Variants in NEXMIF observed in about 807,000 individuals in gnomAD.
NEXMIF encodes the protein neurite extension and migration factor.
NEXMIF carries 8 observed loss-of-function variants against 62.1 expected under a neutral mutation model. The ratio of observed to expected loss-of-function variants is 0.13; its 90% confidence interval spans 0.08 to 0.23. The LOEUF (loss-of-function observed/expected upper bound fraction) is 0.23, where lower values mean the gene tolerates loss of function less well. Among genes scored for constraint, NEXMIF ranks in the 10% least tolerant of loss-of-function variants. NEXMIF has a pLI of 1.00. For missense variants in NEXMIF, 976 were observed against 1,113.3 expected (o/e 0.88, Z 1.75); for synonymous variants, 404 against 416.6 (o/e 0.97, Z 0.37).
chrX:74,922,523 C>A, intron 1 of NEXMIF, among the ~76,000 whole-genome samples: 1 of 112,076 alleles, frequency 8.9e-6, no homozygotes, highest in Non-Finnish European at 1.9e-5. Flanking sequence ...AAATATTTTC[C>A]TTTAAATGAC....
intron 1 of NEXMIF, among the ~76,000 whole-genome samples, chrX:74,898,708 G>T (rs1319779097): frequency 9.0e-6 from 1 of 111,025 alleles, no homozygotes; most frequent in African/African-American, 3.3e-5. Context: ...AAAATAAACT[G>T]TTCTATTTTT....
intron 1 of NEXMIF, among the ~76,000 whole-genome samples, chrX:74,819,650 C>G (rs960017786): frequency 1.7e-4 from 19 of 111,886 alleles, no homozygotes; most frequent in Non-Finnish European, 3.6e-4. Flanking sequence ...CCATCCCACG[C>G]CAGTTAGAAT....
intron 1 of NEXMIF, among the ~76,000 whole-genome samples, chrX:74,768,706 C>T (rs758704933): frequency 1.8e-5 from 2 of 112,097 alleles, no homozygotes; most frequent in Non-Finnish European, 3.8e-5. Context: ...CATTAAAGAA[C>T]AGGTTTAAAC....
intron 1 of NEXMIF, among the ~76,000 whole-genome samples, chrX:74,785,197 A>G (rs1024274204): frequency 1.8e-5 from 2 of 111,296 alleles, no homozygotes; most frequent in Non-Finnish European, 3.8e-5. Context: ...AAATCAGTGA[A>G]CCTGGGGATA....
rs748456765 is a variant in NEXMIF at position 74,901,120 on chromosome X, C to T, written c.-48+23763G>A. 2.7e-5 allele frequency among the ~76,000 whole-genome samples: 3 copies of T among 111,645 alleles called. No homozygotes were observed. In the South Asian group the frequency reaches 1.1e-3, roughly 42 times the overall value. ...AACAGTGTGAATGAATTTAATTCCA[C>T]ACAACTGTACACTTAAAAGTGGTTA... On this transcript the variant is annotated intron_variant, in intron 1 of 3. Coordinates refer to ENST00000055682, the MANE Select transcript of NEXMIF (RefSeq NM_001008537.3).
chrX:74,887,995 AG>A (rs1194645868), intron 1 of NEXMIF, among the ~76,000 whole-genome samples: 3 of 111,034 alleles, frequency 2.7e-5, no homozygotes, highest in Admixed American at 9.6e-5. Flanking sequence ...TGTCCTTTGT[AG>A]GGACATGGAT....
At position 74,737,572 on chromosome X, in the gene NEXMIF, T is replaced by C. The variant is rs1030012674; in HGVS notation, c.*1833A>G. 2 of 111,204 alleles carry C rather than the reference T, an allele frequency of 1.8e-5. No homozygotes were observed. The highest frequency in any genetic ancestry group is 5.7e-4 in the East Asian group (2 of 3,501). 9.2% of individuals were successfully genotyped at this position (111,204 alleles called of 1,213,427 possible). A position where few individuals can be genotyped will look rare whatever the true frequency, so the allele number is the denominator to read the frequency against. The stretch of plus-strand genomic sequence containing the variant: ...ACACATGATCAAGAACACAGGCTTG[T>C]TCATTTTACGACCCAGCTGTAAGGA... On this transcript the variant is annotated 3_prime_UTR_variant, in exon 4 of 4. Coordinates refer to ENST00000055682, the MANE Select transcript of NEXMIF (RefSeq NM_001008537.3).
intron 1 of NEXMIF, among the ~76,000 whole-genome samples, chrX:74,844,344 A>C (rs2080484393): frequency 9.0e-6 from 1 of 111,216 alleles, no homozygotes; most frequent in Non-Finnish European, 1.9e-5. Flanking sequence ...GGTTGGGGAA[A>C]TTTTCATGGA....
At chrX:74,832,719 GA>G (rs2080442160) in intron 1 of NEXMIF, among the ~76,000 whole-genome samples, 3 of 111,260 alleles carry the variant, frequency 2.7e-5, no homozygotes. Context: ...TTGTTTATTT[GA>G]AGTTCTTTTT....
intron 1 of NEXMIF, among the ~76,000 whole-genome samples, chrX:74,772,645 C>T (rs2080213731): frequency 8.9e-6 from 1 of 112,572 alleles, no homozygotes; most frequent in African/African-American, 3.2e-5. Context: ...TTGGTTATTA[C>T]TCCATCCAGT....
At chrX:74,839,684 C>T (rs183085545) in intron 1 of NEXMIF, among the ~76,000 whole-genome samples, 266 of 111,952 alleles carry the variant, frequency 2.4e-3, no homozygotes, top group African/African-American at 7.6e-3. Flanking sequence ...TCTGTTCCTG[C>T]GTTAGTTTGC....
At position 74,743,263 on chromosome X, in the gene NEXMIF, A is replaced by C; in HGVS notation, c.1294T>G (p.Ser432Ala). The change falls in exon 3 of 4, where the codon TCC becomes GCC. Residue 432 changes from serine (S) to alanine (A), a missense_variant. This residue lies in a region of NEXMIF where 639 missense variants were observed against 694.5 expected (regional missense o/e 0.92). Transcript: ENST00000055682. ...KNPKQGHLAN[S>A]LETSGSFSDD... Reference sequence around the variant, plus strand: ...CTGAAACTCCCTGATGTCTCCAGGGAATTAGCAAGATGGCCCTGCTTTGGA... The same window carrying C: ...CTGAAACTCCCTGATGTCTCCAGGGCATTAGCAAGATGGCCCTGCTTTGGA... 3.3e-6 allele frequency: 4 copies of C among 1,211,647 alleles called. No individual in the cohort carries two copies. The highest frequency in any genetic ancestry group is 4.5e-6 in the Non-Finnish European group (4 of 895,488).
intron 1 of NEXMIF, among the ~76,000 whole-genome samples, chrX:74,838,817 CATT>C (rs770518100): frequency 8.9e-6 from 1 of 111,897 alleles, no homozygotes; most frequent in South Asian, 3.7e-4. Context: ...CCTTGTACAT[CATT>C]ATGGTATAAA....
Position 74,849,158 on chromosome X carries a change from G to A in NEXMIF, c.-48+75725C>T, listed in dbSNP as rs181890548. ...TCAAGGTGGCTGACTGGAAGCATCC[G>A]GTACTTGCCTCCTCCAGAAAGAGGA... On this transcript the variant is annotated intron_variant, in intron 1 of 3. Transcript: ENST00000055682. Among the ~76,000 whole-genome samples the A allele has an allele frequency of 4.5e-5, 5 of 112,043 alleles. No homozygotes were observed. In the East Asian group the frequency reaches 1.4e-3, roughly 32 times the overall value.
At chrX:74,790,229 G>C (rs1355522438) in intron 1 of NEXMIF, among the ~76,000 whole-genome samples, 1 of 104,451 alleles carries the variant, frequency 9.6e-6, no homozygotes, top group Non-Finnish European at 2.0e-5. Flanking sequence ...TTATTAAATA[G>C]GGAATCCTTT....
intron 1 of NEXMIF, among the ~76,000 whole-genome samples, chrX:74,915,989 C>T (rs1309834510): frequency 8.9e-6 from 1 of 112,028 alleles, no homozygotes; most frequent in Non-Finnish European, 1.9e-5. Context: ...AAATTTGTTA[C>T]AGCAACCATA....
chrX:74,882,089 C>T (rs906974896), intron 1 of NEXMIF, among the ~76,000 whole-genome samples: 3 of 112,069 alleles, frequency 2.7e-5, no homozygotes, highest in Non-Finnish European at 5.6e-5. Flanking sequence ...AAGAAAATTC[C>T]TATTCACAAT....
chrX:74,855,753 C>G (rs902913200), intron 1 of NEXMIF, among the ~76,000 whole-genome samples: 1 of 111,856 alleles, frequency 8.9e-6, no homozygotes, highest in Non-Finnish European at 1.9e-5. Flanking sequence ...ACACAGAGTC[C>G]CTTCACAAAG....
At position 74,743,010 on chromosome X, in the gene NEXMIF, T is replaced by C. The variant is rs2147440869; in HGVS notation, c.1547A>G (p.Lys516Arg). The C allele has an allele frequency of 8.3e-7, 1 of 1,209,616 alleles. No individual in the cohort carries two copies. Among genetic ancestry groups the C allele is most frequent in the African/African-American group, 1.7e-5 (1 of 57,194 alleles). Reference protein sequence around the residue: ...ERKEWLPVGSKEEDDDEWCPK... With the variant: ...ERKEWLPVGSREEDDDEWCPK... Reference sequence around the variant, plus strand: ...ACACCATTCATCATCATCTTCCTCTTTGGAACCAACTGGCAGCCATTCCTT... The same window carrying C: ...ACACCATTCATCATCATCTTCCTCTCTGGAACCAACTGGCAGCCATTCCTT... The change falls in exon 3 of 4, where the codon AAA becomes AGA. Residue 516 changes from lysine (K) to arginine (R), a missense_variant. Lys to Arg is a conservative substitution (Grantham distance 26). This residue lies in a region of NEXMIF where 639 missense variants were observed against 694.5 expected (regional missense o/e 0.92). Coordinates refer to ENST00000055682, the MANE Select transcript of NEXMIF (RefSeq NM_001008537.3).
Sources: allele counts gnomAD v4.1 joint callset (sites outside exome capture counted in the v4.1 genomes callset), GRCh38; gene constraint gnomAD v4.1.1; regional missense constraint gnomAD v4.1.1; transcripts MANE v1.5; gene names NCBI Gene and HGNC (gene_info 2026-07-23, HGNC 2026-07-21).